CPLX1: variants seen among roughly 807,000 people sequenced by gnomAD.
CPLX1 encodes the protein complexin 1, also known as complexin-1.
CPLX1 carries 6 observed loss-of-function variants against 15.6 expected under a neutral mutation model. The observed-to-expected ratio is 0.39, with a 90% confidence interval of 0.21 to 0.76. The LOEUF (loss-of-function observed/expected upper bound fraction) is 0.76. Among genes scored for constraint, CPLX1 ranks in the 30% least tolerant of loss-of-function variants. The pLI is 0.43. For missense variants in CPLX1, 242 were observed against 188.6 expected (o/e 1.28, Z -1.66); for synonymous variants, 91 against 75.2 (o/e 1.21, Z -1.08).
intron 2 of CPLX1, among the ~76,000 whole-genome samples, chr4:796,534 C>A (rs573666930): frequency 2.0e-5 from 3 of 152,188 alleles, no homozygotes; most frequent in Non-Finnish European, 4.4e-5. Flanking sequence ...CCGCCTGCCT[C>A]GGCCTCCTAA....
chr4:805,602 T>C (rs1438321895), intron 2 of CPLX1, among the ~76,000 whole-genome samples: 1 of 152,166 alleles, frequency 6.6e-6, no homozygotes, highest in East Asian at 1.9e-4. Flanking sequence ...CATTTCTGGG[T>C]ATAGACCCAC....
At chr4:805,141 G>A (rs982796612) in intron 2 of CPLX1, among the ~76,000 whole-genome samples, 4 of 152,256 alleles carry the variant, frequency 2.6e-5, no homozygotes, top group African/African-American at 9.6e-5. Context: ...TGGAGCGGGA[G>A]GGAGGGGCTG....
intron 2 of CPLX1, chr4:804,992 C>G (rs938415246): frequency 1.0e-6 from 1 of 961,392 alleles, no homozygotes; most frequent in Non-Finnish European, 1.2e-6. Flanking sequence ...GCGGGTGCTC[C>G]TCTGTGGAGA....
intron 3 of CPLX1, chr4:787,184 G>T (rs565603968): frequency 1.0e-6 from 1 of 985,320 alleles, no homozygotes; most frequent in African/African-American, 1.7e-5. Flanking sequence ...TGCGGCCGCG[G>T]CCCCAGCAGG....
At chr4:791,631 G>A (rs1427863701) in intron 3 of CPLX1, among the ~76,000 whole-genome samples, 1 of 152,140 alleles carries the variant, frequency 6.6e-6, no homozygotes, top group African/African-American at 2.4e-5. Flanking sequence ...TTCCCACCCC[G>A]AAGCCAGGCC....
At chr4:820,898 C>T (rs911462404) in intron 2 of CPLX1, among the ~76,000 whole-genome samples, 2 of 152,176 alleles carry the variant, frequency 1.3e-5, no homozygotes, top group Non-Finnish European at 2.9e-5. Flanking sequence ...CAGCCCAGCC[C>T]CACGGGGGCG....
At chr4:825,491 A>C (rs1249021674) in intron 1 of CPLX1, among the ~76,000 whole-genome samples, 2 of 151,562 alleles carry the variant, frequency 1.3e-5, no homozygotes, top group Non-Finnish European at 2.9e-5. Flanking sequence ...GGCGCGGGGA[A>C]GGAGGGCACG....
At chr4:795,813 G>T (rs566737935) in intron 2 of CPLX1, among the ~76,000 whole-genome samples, 2 of 151,756 alleles carry the variant, frequency 1.3e-5, no homozygotes, top group South Asian at 4.2e-4. Flanking sequence ...GGTGGGGGGG[G>T]GGTGCAGATC....
chr4:792,326 G>C, intron 3 of CPLX1, 107 bp downstream of exon 3: 1 of 1,123,260 alleles, frequency 8.9e-7, no homozygotes. Context: ...GGAGGCCCAG[G>C]GGGACGCCCG....
At chr4:815,681 C>T (rs1242050535) in intron 2 of CPLX1, among the ~76,000 whole-genome samples, 2 of 152,174 alleles carry the variant, frequency 1.3e-5, no homozygotes, top group African/African-American at 4.8e-5. Context: ...GTAAGTTCCA[C>T]AGTATCTTGT....
intron 2 of CPLX1, among the ~76,000 whole-genome samples, chr4:799,103 C>A (rs1746402619): frequency 6.6e-6 from 1 of 152,228 alleles, no homozygotes; most frequent in Non-Finnish European, 1.5e-5. Context: ...CTCTCTCTGA[C>A]CTTCTGCCCT....
rs77934126 is a variant in CPLX1, at chr4:788,866, G to A, written c.208-2168C>T. 5.5e-3 allele frequency among the ~76,000 whole-genome samples: 837 copies of A among 152,318 alleles called. 48 individuals are homozygous for A. In the East Asian group the frequency reaches 0.13, roughly 23 times the overall value. ...ACAGCAAAAGCACTCAGGAACATGT[G>A]TGTGCTCAGAGGAGCATGCCTGTAA... On this transcript the variant is annotated intron_variant, in intron 3 of 3. Transcript: ENST00000304062.
intron 2 of CPLX1, among the ~76,000 whole-genome samples, chr4:795,635 G>A (rs939095776): frequency 1.3e-5 from 2 of 152,220 alleles, no homozygotes; most frequent in Non-Finnish European, 1.5e-5. Flanking sequence ...CCCCCCGTGA[G>A]AGGTGGAGGC....
At chr4:820,979 A>G (rs1304301484) in intron 2 of CPLX1, among the ~76,000 whole-genome samples, 1 of 151,960 alleles carries the variant, frequency 6.6e-6, no homozygotes, top group Non-Finnish European at 1.5e-5. Flanking sequence ...CTTCTCGTCC[A>G]CCCCGGCTTG....
chr4:793,328 G>C (rs949798452), intron 2 of CPLX1, among the ~76,000 whole-genome samples: 1 of 152,096 alleles, frequency 6.6e-6, no homozygotes, highest in Non-Finnish European at 1.5e-5. Context: ...GTTGGCAGGG[G>C]CCCTGCTGGG....
At chr4:819,111 G>A (rs1746815024) in intron 2 of CPLX1, among the ~76,000 whole-genome samples, 1 of 152,274 alleles carries the variant, frequency 6.6e-6, no homozygotes. Flanking sequence ...GAGTCCAGCA[G>A]CGTCTGATGG....
intron 2 of CPLX1, among the ~76,000 whole-genome samples, chr4:809,230 AC>A (rs1248747148): frequency 2.0e-5 from 3 of 151,984 alleles, no homozygotes; most frequent in Non-Finnish European, 4.4e-5. Flanking sequence ...GGCTCTCGCC[AC>A]CCCACGTCCT....
At chr4:825,508 C>A (rs1298052464) in intron 1 of CPLX1, among the ~76,000 whole-genome samples, 13 of 151,934 alleles carry the variant, frequency 8.6e-5, no homozygotes, top group Admixed American at 7.9e-4. Context: ...CACGGCCGGG[C>A]CCCGCAGACC....
chr4:799,019 C>G (rs1187852186), intron 2 of CPLX1, among the ~76,000 whole-genome samples: 1 of 152,232 alleles, frequency 6.6e-6, no homozygotes, highest in African/African-American at 2.4e-5. Flanking sequence ...ATGTTTTCAT[C>G]TATGGCTCCT....
Sources: allele counts gnomAD v4.1 joint callset (sites outside exome capture counted in the v4.1 genomes callset), GRCh38; gene constraint gnomAD v4.1.1; transcripts MANE v1.5; gene names NCBI Gene and HGNC (gene_info 2026-07-23, HGNC 2026-07-21).